Variants in LRBA observed in about 807,000 individuals in gnomAD.
LRBA encodes lipopolysaccharide-responsive and beige-like anchor protein.
In LRBA, 176 loss-of-function variants were observed where a neutral mutation model predicts 330.0. The ratio of observed to expected loss-of-function variants is 0.53; its 90% CI spans 0.47 to 0.60. The LOEUF is 0.60. LRBA is among the 20% of genes least tolerant of loss of function. The pLI is 0.00. For missense variants in LRBA, 3,259 were observed against 3,444.8 expected (o/e 0.95, Z 1.35); for synonymous variants, 1,230 against 1,193.0 (o/e 1.03, Z -0.64).
intron 28 of LRBA, among the ~76,000 whole-genome samples, chr4:150,835,289 C>T (rs1747859509): frequency 6.6e-6 from 1 of 152,146 alleles, no homozygotes; most frequent in South Asian, 2.1e-4. Context: ...GAAATGCAGG[C>T]TCTTTTTTGG....
intron 28 of LRBA, among the ~76,000 whole-genome samples, chr4:150,834,224 T>C (rs1054814571): frequency 6.6e-6 from 1 of 152,194 alleles, no homozygotes; most frequent in African/African-American, 2.4e-5. Context: ...ATGAATCACA[T>C]GGGTACTTCA....
intron 33 of LRBA, among the ~76,000 whole-genome samples, chr4:150,805,227 AGG>A (rs1742416076): frequency 6.8e-6 from 1 of 147,798 alleles, no homozygotes; most frequent in East Asian, 2.0e-4. Flanking sequence ...AGGAAAGGAA[AGG>A]AAAGGAAAAG....
chr4:150,957,281 A>G (rs1252671085), intron 2 of LRBA, among the ~76,000 whole-genome samples: 1 of 148,632 alleles, frequency 6.7e-6, no homozygotes, highest in Non-Finnish European at 1.5e-5. Context: ...GGGAGGCCTC[A>G]CAATCATGGC....
intron 56 of LRBA, among the ~76,000 whole-genome samples, chr4:150,276,663 CAT>C (rs1340525011): frequency 2.0e-5 from 3 of 152,204 alleles, no homozygotes; most frequent in Non-Finnish European, 2.9e-5. Flanking sequence ...AGCCAACAAA[CAT>C]ATGAATAAAA....
At chr4:150,652,019 T>C (rs986798570) in intron 37 of LRBA, among the ~76,000 whole-genome samples, 2 of 152,102 alleles carry the variant, frequency 1.3e-5, no homozygotes, top group African/African-American at 4.8e-5. Context: ...AATTTTTGTA[T>C]TTTTTGTAGA....
intron 48 of LRBA, among the ~76,000 whole-genome samples, chr4:150,346,031 C>A (rs979572534): frequency 3.3e-5 from 5 of 152,076 alleles, no homozygotes; most frequent in African/African-American, 9.7e-5. Context: ...TGCTCTTGAA[C>A]CCCTGGACTC....
At chr4:150,915,831 A>C (rs987312602) in intron 7 of LRBA, 104 bp from the exon 8 acceptor site, 7 of 784,096 alleles carry the variant, frequency 8.9e-6, no homozygotes, top group Non-Finnish European at 1.3e-5. Context: ...ATTCAACCTA[A>C]AAATAAAACA....
intron 47 of LRBA, among the ~76,000 whole-genome samples, chr4:150,377,066 G>A (rs1372659153): frequency 1.3e-5 from 2 of 151,530 alleles, no homozygotes; most frequent in Admixed American, 6.6e-5. Context: ...GGCCAAGGTC[G>A]GGGATAACCT....
At chr4:150,335,123 C>A (rs1167036689) in intron 48 of LRBA, among the ~76,000 whole-genome samples, 1 of 151,922 alleles carries the variant, frequency 6.6e-6, no homozygotes, top group Non-Finnish European at 1.5e-5. Context: ...AGCCAACACA[C>A]CCAGCCCCAC....
At chr4:150,880,889 C>T (rs567419207) in intron 17 of LRBA, among the ~76,000 whole-genome samples, 47 of 152,144 alleles carry the variant, frequency 3.1e-4, no homozygotes, top group Non-Finnish European at 5.1e-4. Context: ...CACAAACAGA[C>T]ACTTCTTAAA....
chr4:150,615,188 G>A (rs376452392), intron 37 of LRBA, among the ~76,000 whole-genome samples: 2 of 152,168 alleles, frequency 1.3e-5, no homozygotes, highest in Non-Finnish European at 1.5e-5. Context: ...GATACATAAA[G>A]AATAACAGAG....
chr4:150,850,661 G>A, intron 24 of LRBA, 63 bp downstream of exon 24: 1 of 976,144 alleles, frequency 1.0e-6, no homozygotes, highest in East Asian at 2.7e-5. Flanking sequence ...CTGTTTCTAT[G>A]GATTTCTTTG....
chr4:150,617,665 A>G (rs1431366581), intron 37 of LRBA, among the ~76,000 whole-genome samples: 1 of 152,170 alleles, frequency 6.6e-6, no homozygotes, highest in African/African-American at 2.4e-5. Context: ...TGGCTCTATC[A>G]ATTCAAACAA....
At chr4:150,920,417 TGGGCACTTGTAATCGC>T in intron 5 of LRBA, among the ~76,000 whole-genome samples, 1 of 152,140 alleles carries the variant, frequency 6.6e-6, no homozygotes, top group South Asian at 2.1e-4. Context: ...GGCGTGGTCG[TGGGCACTTGTAATCGC>T]AGCTACTCAG....
chr4:150,482,367 T>G (rs1246135687), intron 42 of LRBA, among the ~76,000 whole-genome samples: 1 of 152,124 alleles, frequency 6.6e-6, no homozygotes, highest in Non-Finnish European at 1.5e-5. Context: ...GTATTAGTGC[T>G]TCACTCCTTT....
At chr4:150,680,966 G>A (rs4318628) in intron 37 of LRBA, among the ~76,000 whole-genome samples, 104,807 of 152,108 alleles carry the variant, frequency 0.69, 41,999 homozygotes, top group Non-Finnish European at 0.9. Flanking sequence ...AGCAAATTAC[G>A]TGGATTCCAA....
chr4:150,615,910 C>T (rs1407484903), intron 37 of LRBA, among the ~76,000 whole-genome samples: 2 of 152,126 alleles, frequency 1.3e-5, no homozygotes, highest in African/African-American at 2.4e-5. Context: ...CTACCACCTT[C>T]CACTGTTTTG....
At chr4:151,002,165 T>C (rs1016437354) in intron 2 of LRBA, among the ~76,000 whole-genome samples, 2 of 85,066 alleles carry the variant, frequency 2.4e-5, no homozygotes, top group East Asian at 3.7e-4. Context: ...AGGAAAGATA[T>C]CAATGTAACG....
intron 43 of LRBA, 146 bp downstream of exon 43, chr4:150,471,478 C>T (rs1353381167): frequency 1.8e-6 from 1 of 558,434 alleles, no homozygotes; most frequent in Non-Finnish European, 3.1e-6. Context: ...AAGCAACATA[C>T]CTTATTCTCT....
Sources: gnomAD v4.1 joint callset for allele counts (sites outside exome capture counted in the v4.1 genomes callset) on GRCh38, gnomAD v4.1.1 for gene constraint, MANE v1.5 for transcripts, NCBI Gene and HGNC (gene_info 2026-07-23, HGNC 2026-07-21) for gene names.